Variants in SMAD3 observed in about 807,000 individuals in gnomAD.
SMAD3 encodes the protein MAD homolog 3.
SMAD3 carries 12 observed loss-of-function variants against 51.8 expected under a neutral mutation model. The ratio of observed to expected loss-of-function variants is 0.23; its 90% CI spans 0.15 to 0.38. The LOEUF (loss-of-function observed/expected upper bound fraction) is 0.38, where lower values mean the gene tolerates loss of function less well. SMAD3 is among the 10% of genes least tolerant of loss of function. The pLI is 1.00. For missense variants in SMAD3, 294 were observed against 565.6 expected (o/e 0.52, Z 4.87); for synonymous variants, 238 against 227.7 (o/e 1.05, Z -0.41).
At chr15:67,108,354 G>A (rs1483233519) in intron 1 of SMAD3, among the ~76,000 whole-genome samples, 1 of 152,124 alleles carries the variant, frequency 6.6e-6, no homozygotes, top group African/African-American at 2.4e-5. Context: ...CCACTCTGAT[G>A]ATACTAGAAG....
chr15:67,134,619 C>CTT (rs1961608934), intron 1 of SMAD3, among the ~76,000 whole-genome samples: 1 of 152,204 alleles, frequency 6.6e-6, no homozygotes, highest in African/African-American at 2.4e-5. Flanking sequence ...CTTGACCCAT[C>CTT]CCAGCCCCTT....
intron 1 of SMAD3, among the ~76,000 whole-genome samples, chr15:67,093,046 A>G (rs1032771958): frequency 1.3e-5 from 2 of 152,104 alleles, no homozygotes; most frequent in Non-Finnish European, 2.9e-5. Flanking sequence ...TTTGGAATCT[A>G]TAGTCTAACT....
chr15:67,191,193 G>A lies in SMAD3; in HGVS notation c.*657G>A, dbSNP rs1016241219. On this transcript the variant is annotated 3_prime_UTR_variant, in exon 9 of 9. Transcript: ENST00000327367. Reference sequence around the variant, plus strand: ...CAGCAGAACCTGCACACAGGACAGCGGGAAAAATCGATGAGCGCCACCTCT... The same window carrying A: ...CAGCAGAACCTGCACACAGGACAGCAGGAAAAATCGATGAGCGCCACCTCT... 1.7e-5 allele frequency: 4 copies of A among 233,638 alleles called. No homozygotes were observed. Among genetic ancestry groups the A allele is most frequent in the East Asian group, 6.0e-5 (1 of 16,738 alleles). 14.5% of individuals were successfully genotyped at this position (233,638 alleles called of 1,614,324 possible). A position where few individuals can be genotyped will look rare whatever the true frequency, so the allele number is the denominator to read the frequency against.
intron 1 of SMAD3, among the ~76,000 whole-genome samples, chr15:67,151,707 G>A (rs1962150289): frequency 6.6e-6 from 1 of 151,966 alleles, no homozygotes; most frequent in Non-Finnish European, 1.5e-5. Flanking sequence ...ACAAATAATT[G>A]TCCATATTCA....
chr15:67,151,596 G>A (rs1269151091), intron 1 of SMAD3, among the ~76,000 whole-genome samples: 1 of 152,198 alleles, frequency 6.6e-6, no homozygotes, highest in Non-Finnish European at 1.5e-5. Flanking sequence ...CTCGCAAAGT[G>A]CTGGGATTAC....
intron 1 of SMAD3, among the ~76,000 whole-genome samples, chr15:67,102,811 G>A (rs1960790374): frequency 6.6e-6 from 1 of 152,126 alleles, no homozygotes; most frequent in Admixed American, 6.5e-5. Flanking sequence ...ACCGCTTTCT[G>A]GATTTACCTC....
intron 1 of SMAD3, among the ~76,000 whole-genome samples, chr15:67,137,714 C>G (rs1260126322): frequency 6.6e-6 from 1 of 152,028 alleles, no homozygotes; most frequent in Non-Finnish European, 1.5e-5. Context: ...GTAATTTTAC[C>G]TTTGTTGATC....
intron 1 of SMAD3, among the ~76,000 whole-genome samples, chr15:67,146,451 G>T (rs1961975400): frequency 6.6e-6 from 1 of 152,260 alleles, no homozygotes; most frequent in African/African-American, 2.4e-5. Context: ...GCAGCTGTCA[G>T]TGGAGGTGCG....
chr15:67,089,402 C>T (rs1338052827), intron 1 of SMAD3, among the ~76,000 whole-genome samples: 1 of 152,240 alleles, frequency 6.6e-6, no homozygotes, highest in African/African-American at 2.4e-5. Flanking sequence ...GCACTGTATA[C>T]TTGGTCATGT....
intron 1 of SMAD3, among the ~76,000 whole-genome samples, chr15:67,140,850 G>T (rs1315562526): frequency 6.6e-6 from 1 of 152,114 alleles, no homozygotes; most frequent in Non-Finnish European, 1.5e-5. Context: ...GTAAGGAAAC[G>T]GAGCAGAACT....
intron 1 of SMAD3, among the ~76,000 whole-genome samples, chr15:67,091,307 G>A (rs888922728): frequency 1.3e-4 from 20 of 152,366 alleles, no homozygotes; most frequent in Non-Finnish European, 2.9e-4. Flanking sequence ...GAGCCTGACA[G>A]GAGAGATAGG....
intron 1 of SMAD3, among the ~76,000 whole-genome samples, chr15:67,117,175 A>G (rs1320578405): frequency 6.6e-6 from 1 of 152,102 alleles, no homozygotes; most frequent in Non-Finnish European, 1.5e-5. Context: ...AAAGAGTAAT[A>G]ATCCTTTTTG....
intron 8 of SMAD3, among the ~76,000 whole-genome samples, chr15:67,188,284 C>T (rs538384020): frequency 7.3e-5 from 11 of 151,398 alleles, no homozygotes; most frequent in Non-Finnish European, 1.0e-4. Flanking sequence ...ACTACAGGTG[C>T]GTGCTACCAC....
rs566617926 is a variant in SMAD3, at chr15:67,176,572, T to C, written c.659-4669T>C. ...CTTCCTTTACGGGATTTGAATCTCT[T>C]GCACATGTTTTTAATAGGCATCCCT... On this transcript the variant is annotated intron_variant, in intron 5 of 8. Coordinates refer to ENST00000327367, the MANE Select transcript of SMAD3 (RefSeq NM_005902.4). Among the ~76,000 whole-genome samples, 8 of 152,366 alleles carry C rather than the reference T, an allele frequency of 5.3e-5. No homozygotes were observed. In the East Asian group the frequency reaches 1.5e-3, roughly 29 times the overall value.
chr15:67,124,013 A>T (rs1016153085), intron 1 of SMAD3, among the ~76,000 whole-genome samples: 3 of 152,168 alleles, frequency 2.0e-5, no homozygotes, highest in African/African-American at 7.2e-5. Context: ...TTTTAGACAG[A>T]GTCTCCCTCT....
At chr15:67,102,611 A>T (rs1268845106) in intron 1 of SMAD3, among the ~76,000 whole-genome samples, 1 of 151,736 alleles carries the variant, frequency 6.6e-6, no homozygotes, top group Non-Finnish European at 1.5e-5. Flanking sequence ...CCTGGGTGAG[A>T]TGGGAGCAAG....
chr15:67,096,425 A>C (rs1267990825), intron 1 of SMAD3, among the ~76,000 whole-genome samples: 1 of 152,254 alleles, frequency 6.6e-6, no homozygotes, highest in African/African-American at 2.4e-5. Context: ...GTGATTCCAC[A>C]TACTAGTTAA....
chr15:67,079,043 A>G (rs1293334192), intron 1 of SMAD3, among the ~76,000 whole-genome samples: 1 of 151,126 alleles, frequency 6.6e-6, no homozygotes, highest in Non-Finnish European at 1.5e-5. Context: ...CAAAGGCGTG[A>G]TCTTGGCTCA....
In SMAD3 at chr15:67,121,373, G is replaced by T. The variant is rs1595911391; in HGVS notation, c.207-43522G>T. On this transcript the variant is annotated intron_variant, in intron 1 of 8. Coordinates refer to ENST00000327367, the MANE Select transcript of SMAD3 (RefSeq NM_005902.4). ...TGTGGGTCCTGAGGGCATCGTGGGT[G>T]GCTCTCCCCCCACGAGTGACTGTGC... is the stretch of plus-strand genomic sequence containing the variant. 2.6e-5 allele frequency among the ~76,000 whole-genome samples: 4 copies of T among 152,286 alleles called. 1 individual carries two copies. The highest frequency in any genetic ancestry group is 2.6e-4 in the Admixed American group (4 of 15,312).
Sources: gnomAD v4.1 joint callset for allele counts (sites outside exome capture counted in the v4.1 genomes callset) on GRCh38, gnomAD v4.1.1 for gene constraint, MANE v1.5 for transcripts, NCBI Gene and HGNC (gene_info 2026-07-23, HGNC 2026-07-21) for gene names.